Variants in ATP8B4 observed in about 807,000 individuals in gnomAD.
ATP8B4 encodes the protein probable phospholipid-transporting ATPase IM.
ATP8B4 carries 133 observed loss-of-function variants against 145.6 expected under a neutral mutation model. That is an observed-to-expected ratio of 0.91 (90% CI 0.79 to 1.05). The LOEUF (loss-of-function observed/expected upper bound fraction) is 1.05. Among genes scored for constraint, ATP8B4 ranks in the 50% least tolerant of loss-of-function variants. The pLI, the probability that ATP8B4 is intolerant of heterozygous loss-of-function variation, is 0.00. For missense variants in ATP8B4, 1,458 were observed against 1,425.2 expected (o/e 1.02, Z -0.37); for synonymous variants, 507 against 492.9 (o/e 1.03, Z -0.38).
At chr15:50,018,967 C>T (rs954574367) in intron 6 of ATP8B4, 92 of 1,226,326 alleles carry the variant, frequency 7.5e-5, no homozygotes, top group Non-Finnish European at 9.3e-5. Context: ...CAGCTTTGTA[C>T]CTTCAGCACC....
At chr15:50,164,912 A>C (rs976565203) in intron 1 of ATP8B4, among the ~76,000 whole-genome samples, 1 of 152,176 alleles carries the variant, frequency 6.6e-6, no homozygotes, top group African/African-American at 2.4e-5. Flanking sequence ...TCCTACAATC[A>C]CTGTGCTCTC....
chr15:50,054,797 A>AAAAAAAAAC (rs2052470888), intron 3 of ATP8B4, among the ~76,000 whole-genome samples: 1 of 134,018 alleles, frequency 7.5e-6, no homozygotes, highest in South Asian at 2.2e-4. Flanking sequence ...AAAAAAAAAA[A>AAAAAAAAAC]AAAAAAAAAA....
rs35773416 is a variant in ATP8B4 at position 50,160,015 on chromosome 15, C to CTTTTTTTTTTTTT, written c.-43+22233_-43+22245dup. 4.0e-4 allele frequency among the ~76,000 whole-genome samples: 8 copies of CTTTTTTTTTTTTT among 20,096 alleles called. 1 individual carries two copies. The highest frequency in any genetic ancestry group is 2.0e-3 in the East Asian group (1 of 498). 13.2% of individuals were successfully genotyped at this position (20,096 alleles called of 152,430 possible). ...GATAAAATTCAGCATCAGGTCCTGG[C>CTTTTTTTTTTTTT]TTTTTTTTTTTTTTTTTTTTTTTGC... On this transcript the variant is annotated intron_variant, in intron 1 of 3. Transcript: ENST00000558829.
At chr15:50,065,786 T>C (rs78579661) in intron 3 of ATP8B4, among the ~76,000 whole-genome samples, 1,940 of 152,064 alleles carry the variant, frequency 0.013, 41 homozygotes, top group African/African-American at 0.044. Flanking sequence ...GTGAAGAAAG[T>C]AAAAATAAAA....
At chr15:49,917,890 C>T (rs556942961) in intron 19 of ATP8B4, among the ~76,000 whole-genome samples, 26 of 152,210 alleles carry the variant, frequency 1.7e-4, no homozygotes, top group South Asian at 8.3e-4. Flanking sequence ...AATAATAGAA[C>T]GGCTGTAACT....
At chr15:49,897,011 C>T in intron 23 of ATP8B4, 2 of 333,942 alleles carry the variant, frequency 6.0e-6, no homozygotes, top group South Asian at 4.8e-5. Flanking sequence ...GTCATCATAC[C>T]AAAAACATTT....
intron 1 of ATP8B4, among the ~76,000 whole-genome samples, chr15:50,169,061 AG>A (rs2140861460): frequency 6.6e-6 from 1 of 152,310 alleles, no homozygotes; most frequent in East Asian, 1.9e-4. Context: ...AGACAGGCCT[AG>A]CCCCACCCCC....
intron 17 of ATP8B4, among the ~76,000 whole-genome samples, chr15:49,923,002 C>A (rs188568181): frequency 3.3e-5 from 5 of 152,308 alleles, no homozygotes; most frequent in Admixed American, 1.3e-4. Flanking sequence ...CCACTGGTGC[C>A]AAACACATCA....
intron 23 of ATP8B4, chr15:49,896,645 G>A (rs2037428164): frequency 6.6e-6 from 1 of 152,072 alleles, no homozygotes. Flanking sequence ...AAATTTATAA[G>A]TATATTTAAA....
intron 5 of ATP8B4, among the ~76,000 whole-genome samples, chr15:50,043,814 G>A (rs899519310): frequency 2.1e-4 from 32 of 151,616 alleles, no homozygotes; most frequent in African/African-American, 6.5e-4. Context: ...TTAGCCGGGC[G>A]CGGTGGCGGG....
chr15:49,998,157 A>C (rs1379567976), intron 8 of ATP8B4, among the ~76,000 whole-genome samples: 1 of 152,162 alleles, frequency 6.6e-6, no homozygotes, highest in African/African-American at 2.4e-5. Flanking sequence ...CCACTATCTC[A>C]GTTCTATCTT....
chr15:49,978,616 TCAAC>T (rs1282249559), intron 12 of ATP8B4, among the ~76,000 whole-genome samples: 3 of 152,102 alleles, frequency 2.0e-5, no homozygotes, highest in African/African-American at 7.2e-5. Flanking sequence ...ATGAGAACTG[TCAAC>T]CAACCAAGTC....
In ATP8B4 at chr15:49,934,090, A is replaced by G; in HGVS notation, c.1380T>C (p.Gly460=). Residue 460 remains glycine, a synonymous_variant, in exon 15 of 28, where the codon GGT becomes GGC. Transcript: ENST00000284509. ...TAAGGAATTCATGAACTTTGGGATC[A>G]CCCATTTTAATGGATTCCATCAGAT... The part of the protein sequence containing the change: ...DHHLMESIKM[G]DPKVHEFLRL... 6.2e-7 allele frequency: 1 copy of G among 1,612,880 alleles called. No individual in the cohort carries two copies. Among genetic ancestry groups the G allele is most frequent in the Non-Finnish European group, 8.5e-7 (1 of 1,179,268 alleles).
intron 13 of ATP8B4, among the ~76,000 whole-genome samples, chr15:49,967,063 G>C (rs1457206021): frequency 1.3e-5 from 2 of 152,148 alleles, no homozygotes; most frequent in African/African-American, 4.8e-5. Context: ...AAACAGAAGT[G>C]AATAGCATCA....
intron 14 of ATP8B4, 91 bp downstream of exon 14, chr15:49,961,886 T>C: frequency 9.0e-7 from 1 of 1,105,874 alleles, no homozygotes; most frequent in East Asian, 2.7e-5. Flanking sequence ...CTGGTCTTGG[T>C]GGAAATCAGG....
intron 2 of ATP8B4, among the ~76,000 whole-genome samples, chr15:50,081,525 CT>C (rs1413320221): frequency 6.6e-6 from 1 of 152,202 alleles, no homozygotes; most frequent in Non-Finnish European, 1.5e-5. Context: ...CACCCAACTC[CT>C]AATCTGGCCT....
At chr15:50,107,853 G>C (rs10519258) in intron 1 of ATP8B4, among the ~76,000 whole-genome samples, 13,053 of 152,136 alleles carry the variant, frequency 0.086, 641 homozygotes, top group Middle Eastern at 0.15. Context: ...TTATGGCTTA[G>C]TAGTTACAAG....
intron 2 of ATP8B4, among the ~76,000 whole-genome samples, chr15:50,100,288 C>T (rs927697814): frequency 2.0e-5 from 3 of 152,064 alleles, no homozygotes; most frequent in Admixed American, 1.3e-4. Flanking sequence ...ATGATTTTTC[C>T]CTCTGACAAC....
At chr15:50,058,023 C>T (rs551441746) in intron 3 of ATP8B4, among the ~76,000 whole-genome samples, 14 of 151,960 alleles carry the variant, frequency 9.2e-5, no homozygotes, top group Non-Finnish European at 1.5e-4. Context: ...GAGAAAAAGA[C>T]CTAGCATATG....
Sources: gnomAD v4.1 joint callset for allele counts (sites outside exome capture counted in the v4.1 genomes callset) on GRCh38, gnomAD v4.1.1 for gene constraint, MANE v1.5 for transcripts, NCBI Gene and HGNC (gene_info 2026-07-23, HGNC 2026-07-21) for gene names.